The following KCND3 variants were observed in gnomAD, a reference collection of about 807,000 sequenced individuals.
KCND3 encodes potassium voltage-gated channel subfamily D member 3.
Under a neutral mutation model 51.1 loss-of-function variants are expected in KCND3, and 9 were observed. The ratio of observed to expected loss-of-function variants is 0.18; its 90% CI spans 0.11 to 0.31. KCND3 has a LOEUF of 0.31. Among genes scored for constraint, KCND3 ranks in the 10% least tolerant of loss-of-function variants. The probability of loss-of-function intolerance (pLI) is 1.00; values close to 1 mark genes in which losing one functional copy is unlikely to be tolerated. For missense variants in KCND3, 526 were observed against 903.8 expected (o/e 0.58, Z 5.36); for synonymous variants, 349 against 368.0 (o/e 0.95, Z 0.59).
At chr1:111,784,266 C>A (rs1443760567) in intron 3 of KCND3, among the ~76,000 whole-genome samples, 1 of 152,178 alleles carries the variant, frequency 6.6e-6, no homozygotes, top group Admixed American at 6.5e-5. Context: ...AACTGGTAGA[C>A]AAACTTTACA....
At chr1:111,911,702 G>GT (rs1670954998) in intron 2 of KCND3, among the ~76,000 whole-genome samples, 1 of 152,192 alleles carries the variant, frequency 6.6e-6, no homozygotes, top group Non-Finnish European at 1.5e-5. Flanking sequence ...GATAATGCAA[G>GT]TACATATTGC....
At chr1:111,973,777 T>A (rs904891581) in intron 2 of KCND3, among the ~76,000 whole-genome samples, 3 of 152,232 alleles carry the variant, frequency 2.0e-5, no homozygotes, top group African/African-American at 7.2e-5. Flanking sequence ...TATTGTTTGA[T>A]TGGACTTTCT....
At chr1:111,966,432 G>C (rs780856363) in intron 2 of KCND3, among the ~76,000 whole-genome samples, 23 of 152,168 alleles carry the variant, frequency 1.5e-4, no homozygotes, top group Non-Finnish European at 2.8e-4. Flanking sequence ...TATCAGTAGG[G>C]CTGGGGTGGT....
At chr1:111,823,589 A>G (rs545148185) in intron 2 of KCND3, among the ~76,000 whole-genome samples, 4 of 152,296 alleles carry the variant, frequency 2.6e-5, no homozygotes, top group African/African-American at 9.6e-5. Flanking sequence ...GGGAAAAGCA[A>G]AAGAAAAATA....
intron 2 of KCND3, among the ~76,000 whole-genome samples, chr1:111,841,525 C>G (rs1667321157): frequency 6.6e-6 from 1 of 152,244 alleles, no homozygotes; most frequent in Non-Finnish European, 1.5e-5. Context: ...AATCAGCATG[C>G]TCAATTTAAT....
chr1:111,867,748 T>A (rs1340315596), intron 2 of KCND3, among the ~76,000 whole-genome samples: 3 of 152,192 alleles, frequency 2.0e-5, no homozygotes, highest in Admixed American at 6.5e-5. Flanking sequence ...GGCACCTTGA[T>A]AGAGGTGAAG....
At chr1:111,800,226 T>A (rs1208537059) in intron 2 of KCND3, among the ~76,000 whole-genome samples, 1 of 114,678 alleles carries the variant, frequency 8.7e-6, no homozygotes, top group Admixed American at 9.5e-5. Flanking sequence ...GGGATCCTGT[T>A]GATCTGTGAC....
chr1:111,908,461 G>A (rs1670757282), intron 2 of KCND3, among the ~76,000 whole-genome samples: 1 of 152,186 alleles, frequency 6.6e-6, no homozygotes, highest in African/African-American at 2.4e-5. Context: ...TAAGCTAGTA[G>A]GTGGCAGGGC....
intron 2 of KCND3, among the ~76,000 whole-genome samples, chr1:111,789,582 A>G (rs1238039337): frequency 6.6e-6 from 1 of 152,234 alleles, no homozygotes; most frequent in Non-Finnish European, 1.5e-5. Context: ...AAACGGCTGT[A>G]TTGAATTTTT....
chr1:111,895,203 C>A lies in KCND3; in HGVS notation c.1106+86418G>T, dbSNP rs554497751. Among the ~76,000 whole-genome samples, 324 of 146,300 alleles carry A rather than the reference C, an allele frequency of 2.2e-3. 1 individual carries two copies. Among genetic ancestry groups the A allele is most frequent in the Admixed American group, 4.7e-3 (69 of 14,640 alleles). On this transcript the variant is annotated intron_variant, in intron 2 of 7. Coordinates refer to ENST00000302127, the MANE Select transcript of KCND3 (RefSeq NM_001378969.1). The stretch of plus-strand genomic sequence containing the variant: ...ACCAAGAGCAAGGAGGGGGAGGAGG[C>A]AGGGTGAGGACGGAGAGGGAGGAGG...
At chr1:111,930,343 A>G (rs1344721095) in intron 2 of KCND3, among the ~76,000 whole-genome samples, 1 of 152,232 alleles carries the variant, frequency 6.6e-6, no homozygotes, top group Non-Finnish European at 1.5e-5. Context: ...ACCCAAAGGC[A>G]GAGGGCCTTC....
At chr1:111,960,373 G>C (rs777934481) in intron 2 of KCND3, among the ~76,000 whole-genome samples, 6 of 152,212 alleles carry the variant, frequency 3.9e-5, no homozygotes, top group Non-Finnish European at 8.8e-5. Flanking sequence ...GAAGGATGCT[G>C]ATCCTCAGCT....
intron 2 of KCND3, chr1:111,854,039 G>GT (rs1023331152): frequency 6.6e-6 from 1 of 152,180 alleles, no homozygotes; most frequent in Non-Finnish European, 1.5e-5. Context: ...TTGTTTGAAG[G>GT]TTTTTTGAGC....
chr1:111,874,725 C>G (rs1216949591), intron 2 of KCND3, among the ~76,000 whole-genome samples: 1 of 152,144 alleles, frequency 6.6e-6, no homozygotes, highest in Non-Finnish European at 1.5e-5. Context: ...TAAAACCAAC[C>G]CCCTATCCCC....
chr1:111,942,105 A>G (rs1672551736), intron 2 of KCND3, among the ~76,000 whole-genome samples: 1 of 152,208 alleles, frequency 6.6e-6, no homozygotes, highest in African/African-American at 2.4e-5. Flanking sequence ...CCACGTCCAC[A>G]TAATTCAATA....
At chr1:111,926,209 C>T (rs538045203) in intron 2 of KCND3, among the ~76,000 whole-genome samples, 2 of 152,256 alleles carry the variant, frequency 1.3e-5, no homozygotes, top group African/African-American at 4.8e-5. Context: ...CATAAGATCT[C>T]CTTAAACTGA....
intron 2 of KCND3, among the ~76,000 whole-genome samples, chr1:111,880,579 C>A (rs1669253724): frequency 6.6e-6 from 1 of 152,144 alleles, no homozygotes; most frequent in African/African-American, 2.4e-5. Context: ...CCTACTGGGA[C>A]TTCTTTGGTA....
intron 1 of KCND3, among the ~76,000 whole-genome samples, chr1:111,987,054 T>C (rs1675324440): frequency 6.6e-6 from 1 of 152,016 alleles, no homozygotes; most frequent in South Asian, 2.1e-4. Context: ...AAGTAAGAGA[T>C]CACTGAATCA....
chr1:111,798,116 A>G (rs1249447300), intron 2 of KCND3, among the ~76,000 whole-genome samples: 3 of 152,200 alleles, frequency 2.0e-5, no homozygotes, highest in Admixed American at 1.3e-4. Context: ...TCTTGGGGTG[A>G]GGCTCAGGCT....
Sources: allele counts gnomAD v4.1 joint callset (sites outside exome capture counted in the v4.1 genomes callset), GRCh38; gene constraint gnomAD v4.1.1; transcripts MANE v1.5; gene names NCBI Gene and HGNC (gene_info 2026-07-23, HGNC 2026-07-21).